Variants in SSBP2 observed in about 807,000 individuals in gnomAD.
SSBP2 encodes single stranded DNA binding protein 2, also known as single-stranded DNA-binding protein 2.
A neutral mutation model predicts 61.8 loss-of-function variants in SSBP2; 17 were observed. The observed-to-expected ratio is 0.28, with a 90% CI of 0.19 to 0.41. The LOEUF (loss-of-function observed/expected upper bound fraction) is 0.41, where lower values mean the gene tolerates loss of function less well. SSBP2 is among the 10% of genes least tolerant of loss of function. SSBP2 has a pLI of 1.00. For synonymous variants in SSBP2, 139 were observed against 141.3 expected (o/e 0.98, Z 0.12); for missense variants, 310 against 458.7 (o/e 0.68, Z 2.96).
At chr5:81,497,279 A>G (rs1377658705) in intron 5 of SSBP2, among the ~76,000 whole-genome samples, 1 of 152,182 alleles carries the variant, frequency 6.6e-6, no homozygotes, top group South Asian at 2.1e-4. Flanking sequence ...TCATTATAAC[A>G]AAGATGTTCA....
rs114268828 is a variant in SSBP2 at position 81,668,758 on chromosome 5, T to C, written c.63-18419A>G. On this transcript the variant is annotated intron_variant, in intron 1 of 16. Transcript: ENST00000320672. ...TTGGAATATTCATTTGAAATTAGTG[T>C]CTTTAATAAAGGTCTTGTTACATTT... 8.9e-3 allele frequency among the ~76,000 whole-genome samples: 1,353 copies of C among 152,232 alleles called. 17 individuals carry two copies. The highest frequency in any genetic ancestry group is 0.031 in the African/African-American group (1,269 of 41,560).
chr5:81,679,663 T>C (rs1409125505), intron 1 of SSBP2, among the ~76,000 whole-genome samples: 1 of 152,174 alleles, frequency 6.6e-6, no homozygotes, highest in Non-Finnish European at 1.5e-5. Context: ...CAAACAAGTA[T>C]GTGAGGCAAA....
At chr5:81,436,018 T>C (rs537170554) in intron 15 of SSBP2, among the ~76,000 whole-genome samples, 234 of 151,906 alleles carry the variant, frequency 1.5e-3, no homozygotes, top group African/African-American at 5.4e-3. Flanking sequence ...TGAAACCCCA[T>C]CTCTACTAAA....
intron 4 of SSBP2, among the ~76,000 whole-genome samples, chr5:81,591,757 G>A (rs1581111656): frequency 6.6e-6 from 1 of 152,074 alleles, no homozygotes; most frequent in East Asian, 1.9e-4. Flanking sequence ...AAAAAAGTGG[G>A]AATTAAAAAA....
At chr5:81,421,517 A>T (rs972219939) in intron 16 of SSBP2, among the ~76,000 whole-genome samples, 3 of 152,060 alleles carry the variant, frequency 2.0e-5, no homozygotes, top group African/African-American at 7.2e-5. Flanking sequence ...TAATCCAGTC[A>T]TTTTTGCACG....
chr5:81,628,693 G>A (rs1243050468), intron 3 of SSBP2, among the ~76,000 whole-genome samples: 1 of 152,130 alleles, frequency 6.6e-6, no homozygotes, highest in Non-Finnish European at 1.5e-5. Context: ...GGGATGCTGA[G>A]TATGGGGTAA....
chr5:81,714,307 T>C (rs182350719), intron 1 of SSBP2, among the ~76,000 whole-genome samples: 27 of 152,336 alleles, frequency 1.8e-4, no homozygotes, highest in South Asian at 1.0e-3. Flanking sequence ...CAGTCTATCA[T>C]TGATGGGCAT....
chr5:81,740,978 C>T (rs1372562396), intron 1 of SSBP2, among the ~76,000 whole-genome samples: 6 of 152,216 alleles, frequency 3.9e-5, no homozygotes, highest in Non-Finnish European at 7.3e-5. Flanking sequence ...CCCCTCCCAT[C>T]CTCATGCCAC....
intron 5 of SSBP2, among the ~76,000 whole-genome samples, chr5:81,497,228 G>A (rs140303250): frequency 9.2e-5 from 14 of 152,258 alleles, no homozygotes; most frequent in African/African-American, 3.4e-4. Flanking sequence ...AGTAGAGGAT[G>A]GGTAGAGAAT....
intron 10 of SSBP2, among the ~76,000 whole-genome samples, chr5:81,460,688 TTGATTG>T (rs1561426871): frequency 6.6e-6 from 1 of 152,126 alleles, no homozygotes. Flanking sequence ...TTCTAACAGG[TTGATTG>T]TATTTGGCAA....
chr5:81,496,405 C>T (rs1052390554), intron 5 of SSBP2, among the ~76,000 whole-genome samples: 2 of 152,138 alleles, frequency 1.3e-5, no homozygotes, highest in African/African-American at 4.8e-5. Flanking sequence ...GTCTCGAACT[C>T]CTGACCTTAG....
chr5:81,527,842 A>T (rs959639771), intron 4 of SSBP2, among the ~76,000 whole-genome samples: 1 of 151,330 alleles, frequency 6.6e-6, no homozygotes, highest in African/African-American at 2.4e-5. Context: ...ACCATGGCAC[A>T]TGTATACTTA....
At chr5:81,683,784 T>C (rs967706153) in intron 1 of SSBP2, among the ~76,000 whole-genome samples, 1 of 152,058 alleles carries the variant, frequency 6.6e-6, no homozygotes, top group African/African-American at 2.4e-5. Context: ...ATGAACAACC[T>C]GATTAAAAAA....
chr5:81,716,301 A>G (rs1437872612), intron 1 of SSBP2, among the ~76,000 whole-genome samples: 1 of 152,222 alleles, frequency 6.6e-6, no homozygotes, highest in African/African-American at 2.4e-5. Flanking sequence ...CTCCATTACA[A>G]GCCTCATAGG....
chr5:81,679,221 C>G (rs1752211955), intron 1 of SSBP2, among the ~76,000 whole-genome samples: 1 of 152,174 alleles, frequency 6.6e-6, no homozygotes, highest in Admixed American at 6.5e-5. Flanking sequence ...GTTGGCCAGG[C>G]TGGCCTAGAA....
intron 5 of SSBP2, among the ~76,000 whole-genome samples, chr5:81,511,991 T>C (rs1192119929): frequency 6.6e-6 from 1 of 152,210 alleles, no homozygotes; most frequent in African/African-American, 2.4e-5. Flanking sequence ...TATGGATTTA[T>C]ACATCTTGGC....
At position 81,583,629 on chromosome 5, in the gene SSBP2, CA is replaced by C. The variant is rs56294944; in HGVS notation, c.282+31843del. ...TGGGCGACAGAGCGAGACACCGTCT[CA>C]AAAAAAAAAAAAAAAAAAGTAGCCA... On this transcript the variant is annotated intron_variant, in intron 4 of 16. Coordinates refer to ENST00000320672, the MANE Select transcript of SSBP2 (RefSeq NM_012446.5). Among the ~76,000 whole-genome samples the C allele has an allele frequency of 3.4e-3, 265 of 77,378 alleles. 1 individual carries two copies. Among genetic ancestry groups the C allele is most frequent in the East Asian group, 0.031 (80 of 2,614 alleles). The allele number at this position is 77,378 out of a possible 152,430, so 50.8% of individuals were successfully genotyped here. A position where few individuals can be genotyped will look rare whatever the true frequency, so the allele number is the denominator to read the frequency against.
chr5:81,495,349 A>G (rs907180584), intron 5 of SSBP2, among the ~76,000 whole-genome samples: 5 of 152,152 alleles, frequency 3.3e-5, no homozygotes, highest in African/African-American at 1.2e-4. Flanking sequence ...TTTTGTTAAT[A>G]TTTTCTAACA....
intron 15 of SSBP2, among the ~76,000 whole-genome samples, chr5:81,428,968 A>G (rs1762124370): frequency 6.6e-6 from 1 of 151,870 alleles, no homozygotes; most frequent in Non-Finnish European, 1.5e-5. Flanking sequence ...CTCAGCTTAT[A>G]GAGTTCCTAA....
Sources: allele counts gnomAD v4.1 joint callset (sites outside exome capture counted in the v4.1 genomes callset), GRCh38; gene constraint gnomAD v4.1.1; transcripts MANE v1.5; gene names NCBI Gene and HGNC (gene_info 2026-07-23, HGNC 2026-07-21).